The following RPS6KA6 variants were observed in gnomAD, a reference collection of about 807,000 sequenced individuals.
RPS6KA6 encodes ribosomal protein S6 kinase A6.
In RPS6KA6, 27 loss-of-function variants were observed where a neutral mutation model predicts 65.4. The ratio of observed to expected loss-of-function variants is 0.41; its 90% CI spans 0.30 to 0.57. RPS6KA6 has a LOEUF of 0.57. Among genes scored for constraint, RPS6KA6 ranks in the 20% least tolerant of loss-of-function variants. The pLI, the probability that RPS6KA6 is intolerant of heterozygous loss-of-function variation, is 0.24. For synonymous variants in RPS6KA6, 190 were observed against 184.2 expected (o/e 1.03, Z -0.26); for missense variants, 486 against 555.6 (o/e 0.87, Z 1.26).
intron 9 of RPS6KA6, among the ~76,000 whole-genome samples, chrX:84,119,201 C>A (rs1219448108): frequency 9.0e-6 from 1 of 111,698 alleles, no homozygotes; most frequent in Non-Finnish European, 1.9e-5. Context: ...AGTTCCTACC[C>A]CACAGGCCTC....
chrX:84,119,285 A>G (rs1217780765), intron 9 of RPS6KA6, among the ~76,000 whole-genome samples: 3 of 111,806 alleles, frequency 2.7e-5, no homozygotes, highest in Non-Finnish European at 5.7e-5. Context: ...TGATAAATGG[A>G]CAAAATGGAT....
At chrX:84,133,246 T>C (rs909580372) in intron 8 of RPS6KA6, among the ~76,000 whole-genome samples, 4 of 111,854 alleles carry the variant, frequency 3.6e-5, no homozygotes, top group Non-Finnish European at 5.7e-5. Flanking sequence ...ACCAACCTCA[T>C]TGGAATGCTG....
chrX:84,152,594 A>C (rs768158994), intron 3 of RPS6KA6, among the ~76,000 whole-genome samples: 28 of 111,396 alleles, frequency 2.5e-4, no homozygotes, highest in Middle Eastern at 4.6e-3. Flanking sequence ...ATCTTCCCAT[A>C]TATGTACTCA....
intron 12 of RPS6KA6, among the ~76,000 whole-genome samples, chrX:84,111,779 T>C (rs1194655079): frequency 9.1e-6 from 1 of 109,937 alleles, no homozygotes; most frequent in Non-Finnish European, 1.9e-5. Flanking sequence ...AATCATACAA[T>C]TGAGAATCCA....
intron 6 of RPS6KA6, among the ~76,000 whole-genome samples, chrX:84,142,715 C>T (rs1205298208): frequency 9.0e-6 from 1 of 111,388 alleles, no homozygotes; most frequent in African/African-American, 3.2e-5. Flanking sequence ...ATATTATGAA[C>T]ATTTTTATGC....
At chrX:84,147,900 A>T in intron 4 of RPS6KA6, 142 bp downstream of exon 4, 1 of 369,523 alleles carries the variant, frequency 2.7e-6, no homozygotes, top group Non-Finnish European at 4.8e-6. Flanking sequence ...ATCTAGTAAT[A>T]TTACCTACAG....
chrX:84,107,115 A>G (rs1394082331), intron 13 of RPS6KA6, 75 bp from the exon 14 acceptor site: 2 of 843,739 alleles, frequency 2.4e-6, no homozygotes, highest in Admixed American at 3.4e-5. Context: ...AATTTCTTTA[A>G]CTATAAAGGA....
intron 20 of RPS6KA6, among the ~76,000 whole-genome samples, chrX:84,095,793 T>G (rs2034144854): frequency 8.9e-6 from 1 of 111,821 alleles, no homozygotes; most frequent in African/African-American, 3.2e-5. Flanking sequence ...GTCCATTCAT[T>G]CTCTAAGAAT....
chrX:84,128,913 C>T (rs1409762715), intron 8 of RPS6KA6, among the ~76,000 whole-genome samples: 1 of 111,937 alleles, frequency 8.9e-6, no homozygotes, highest in Non-Finnish European at 1.9e-5. Context: ...ATTGGATAAA[C>T]TTGCCAGCAT....
chrX:84,160,523 G>A (rs765533232), intron 2 of RPS6KA6, among the ~76,000 whole-genome samples: 1 of 111,581 alleles, frequency 9.0e-6, no homozygotes, highest in South Asian at 3.7e-4. Context: ...TATGACTGTG[G>A]AACTAACCTC....
chrX:84,175,156 G>GA (rs954211853), intron 1 of RPS6KA6, among the ~76,000 whole-genome samples: 2 of 110,656 alleles, frequency 1.8e-5, no homozygotes, highest in African/African-American at 3.3e-5. Flanking sequence ...TTGTTTTCAA[G>GA]AAAAAAAATG....
At chrX:84,187,679 G>T in intron 1 of RPS6KA6, 140 bp downstream of exon 1, 1 of 513,797 alleles carries the variant, frequency 1.9e-6, no homozygotes, top group Non-Finnish European at 3.1e-6. Context: ...CCAGCGAAAG[G>T]GCAGTGGAGG....
At chrX:84,118,450 C>T (rs1016356817) in intron 9 of RPS6KA6, among the ~76,000 whole-genome samples, 3 of 111,277 alleles carry the variant, frequency 2.7e-5, no homozygotes, top group Non-Finnish European at 5.7e-5. Context: ...TTAATATATA[C>T]GTATTAAGGT....
chrX:84,162,382 C>A (rs764460493), intron 2 of RPS6KA6, among the ~76,000 whole-genome samples: 2 of 111,711 alleles, frequency 1.8e-5, no homozygotes, highest in East Asian at 5.6e-4. Flanking sequence ...AACCATCACA[C>A]ACCCAAAGTA....
In RPS6KA6 at chrX:84,061,047, C is replaced by T. The variant is rs931628657; in HGVS notation, c.*3230G>A. Reference sequence around the variant, plus strand: ...ATCCTTCTGGGGATAGGGTAAATTTCGTTGATGGAGTATTGCTGTGAGGTG... The same window carrying T: ...ATCCTTCTGGGGATAGGGTAAATTTTGTTGATGGAGTATTGCTGTGAGGTG... On this transcript the variant is annotated 3_prime_UTR_variant, in exon 22 of 22. Transcript: ENST00000262752. The T allele has an allele frequency of 8.9e-6, 1 of 111,849 alleles. No individual in the cohort carries two copies. Among genetic ancestry groups the T allele is most frequent in the Non-Finnish European group, 1.9e-5 (1 of 53,090 alleles). The allele number at this position is 111,849 out of a possible 1,213,427, so 9.2% of individuals were successfully genotyped here.
At chrX:84,072,184 A>G (rs903551431) in intron 20 of RPS6KA6, among the ~76,000 whole-genome samples, 27 of 111,953 alleles carry the variant, frequency 2.4e-4, no homozygotes, top group African/African-American at 8.7e-4. Flanking sequence ...TGAGTTCAAC[A>G]GCACATTAAA....
Position 84,062,743 on chromosome X carries a change from C to T in RPS6KA6, c.*1534G>A, listed in dbSNP as rs1036446580. The T allele has an allele frequency of 2.7e-5, 3 of 111,469 alleles. No homozygotes were observed. Among genetic ancestry groups the T allele is most frequent in the African/African-American group, 6.5e-5 (2 of 30,728 alleles). The allele number at this position is 111,469 out of a possible 1,213,427, so 9.2% of individuals were successfully genotyped here. On this transcript the variant is annotated 3_prime_UTR_variant, in exon 22 of 22. Transcript: ENST00000262752. ...TTTCTTTTATTAAATACCAAAGTTA[C>T]GAGTTTCCTAGCCTAAATTGTATAA...
intron 9 of RPS6KA6, among the ~76,000 whole-genome samples, chrX:84,118,917 G>T (rs925047517): frequency 3.6e-5 from 4 of 111,735 alleles, no homozygotes; most frequent in African/African-American, 1.3e-4. Context: ...AATGCTTATA[G>T]GTTTATAGCT....
At chrX:84,154,162 AAACTT>A (rs1321594676) in intron 3 of RPS6KA6, among the ~76,000 whole-genome samples, 1 of 111,338 alleles carries the variant, frequency 9.0e-6, no homozygotes, top group Non-Finnish European at 1.9e-5. Context: ...GGCTGCTAGA[AAACTT>A]AAGTCTAATT....
Sources: allele counts gnomAD v4.1 joint callset (sites outside exome capture counted in the v4.1 genomes callset), GRCh38; gene constraint gnomAD v4.1.1; transcripts MANE v1.5; gene names NCBI Gene and HGNC (gene_info 2026-07-23, HGNC 2026-07-21).